Variants in MDN1 observed in about 807,000 individuals in gnomAD.
MDN1 encodes the protein midasin.
Under a neutral mutation model 669.2 loss-of-function variants are expected in MDN1, and 266 were observed. The ratio of observed to expected loss-of-function variants is 0.40; its 90% CI spans 0.36 to 0.44. The LOEUF is 0.44. Ranked by LOEUF, MDN1 falls within the 20% of genes least tolerant of loss-of-function variation. MDN1 has a pLI of 1.00. For missense variants in MDN1, 5,940 were observed against 6,754.0 expected (o/e 0.88, Z 4.22); for synonymous variants, 2,385 against 2,457.1 (o/e 0.97, Z 0.87).
chr6:89,699,850 CT>C, intron 57 of MDN1, 123 bp from the exon 58 acceptor site: 1 of 1,178,248 alleles, frequency 8.5e-7, no homozygotes, highest in East Asian at 2.4e-5. Flanking sequence ...ATGAACAACT[CT>C]ACTGATAAAA....
At position 89,706,178 on chromosome 6, in the gene MDN1, G is replaced by A; in HGVS notation, c.8029C>T (p.His2677Tyr). ...ACCACAATTTCATGGGGCAGAGTGT[G>A]ATAGCTTTCTGGATCTGAGAGTCAA... is the stretch of plus-strand genomic sequence containing the variant. ...FEFHQDPESY[H>Y]TLPHEIVVNL... is the part of the protein sequence containing the mutation. The change falls in exon 53 of 102, where the codon CAC becomes TAC. Residue 2677 changes from histidine (H) to tyrosine (Y), a missense_variant. Physicochemically the swap from His to Tyr is moderately conservative, Grantham distance 83. Transcript: ENST00000369393. 1 of 1,611,760 alleles carries A rather than the reference G, an allele frequency of 6.2e-7. No homozygotes were observed. The highest frequency in any genetic ancestry group is 8.5e-7 in the Non-Finnish European group (1 of 1,178,974).
At chr6:89,708,701 A>G (rs1433601006) in intron 50 of MDN1, 73 bp from the exon 51 acceptor site, 2 of 1,511,708 alleles carry the variant, frequency 1.3e-6, no homozygotes, top group South Asian at 1.2e-5. Context: ...TTTCAGTTGA[A>G]TATTTTCATT....
At chr6:89,815,324 A>T (rs975981304) in intron 1 of MDN1, 2 of 480,952 alleles carry the variant, frequency 4.2e-6, no homozygotes, top group Non-Finnish European at 8.3e-6. Flanking sequence ...AAGCTGTCCC[A>T]AGAGCTGGAT....
intron 79 of MDN1, 150 bp downstream of exon 79, chr6:89,673,954 C>CCCA: frequency 2.8e-6 from 2 of 714,538 alleles, no homozygotes; most frequent in East Asian, 2.9e-5. Context: ...CCACCCCACC[C>CCCA]CATCCCCCAA....
At position 89,644,156 on chromosome 6, in the gene MDN1, C is replaced by T. The variant is rs1422331656; in HGVS notation, c.16640G>A (p.Gly5547Glu). Residue 5547 changes from glycine (G) to glutamate (E), a missense_variant, in exon 102 of 102, where the codon GGA becomes GAA. Physicochemically the swap from Gly to Glu is moderately conservative, Grantham distance 98. Around this residue, in one of 5 missense-constraint regions of MDN1, gnomAD observed 2,280 missense variants for 2,576.3 expected, o/e 0.88. Coordinates refer to ENST00000369393, the MANE Select transcript of MDN1 (RefSeq NM_014611.3). ...ILDIKVPIFK[G>E]PGEMPEIRSY... is the part of the protein sequence containing the mutation. ...TCGGATTTCAGGCATCTCTCCAGGT[C>T]CTTTAAATATCGGTACTTTAATGTC... 2 of 1,613,368 alleles carry T rather than the reference C, an allele frequency of 1.2e-6. No homozygotes were observed. Among genetic ancestry groups the T allele is most frequent in the Non-Finnish European group, 1.7e-6 (2 of 1,179,784 alleles).
At chr6:89,713,119 T>C (rs1230168582) in intron 47 of MDN1, 29 bp downstream of exon 47, 2 of 1,597,790 alleles carry the variant, frequency 1.3e-6, no homozygotes, top group African/African-American at 1.4e-5. Context: ...TATTACAACT[T>C]AGAAACATTC....
At position 89,690,121 on chromosome 6, in the gene MDN1, T is replaced by C; in HGVS notation, c.10772A>G (p.Gln3591Arg). 1 of 1,614,126 alleles carries C rather than the reference T, an allele frequency of 6.2e-7. No individual in the cohort carries two copies. Among genetic ancestry groups the C allele is most frequent in the Non-Finnish European group, 8.5e-7 (1 of 1,180,012 alleles). Reference sequence around the variant, plus strand: ...TCCTTTGTTCTCCTCCAACGTTGGCTGCACCAAAATATCTGCAAAGTCCTA... The same window carrying C: ...TCCTTTGTTCTCCTCCAACGTTGGCCGCACCAAAATATCTGCAAAGTCCTA... Reference protein sequence around the residue: ...HEKDFADILVQPTLEENKGTS... With the variant: ...HEKDFADILVRPTLEENKGTS... The change falls in exon 65 of 102, where the codon CAG (glutamine) becomes CGG (arginine). Residue 3591 changes from glutamine to arginine, a missense_variant. Physicochemically the swap from Gln to Arg is conservative, Grantham distance 43 (BLOSUM62 1). Around this residue, in one of 5 missense-constraint regions of MDN1, gnomAD observed 2,280 missense variants for 2,576.3 expected, o/e 0.88. Transcript: ENST00000369393.
chr6:89,787,657 TC>T (rs148744446), intron 8 of MDN1, among the ~76,000 whole-genome samples, 196 bp downstream of exon 8: 71,208 of 149,632 alleles, frequency 0.48, 17,046 homozygotes, highest in East Asian at 0.73. Context: ...TATTTTTAAG[TC>T]GGGGGGGGGA....
chr6:89,753,341 C>T (rs146295047), intron 22 of MDN1, among the ~76,000 whole-genome samples, 171 bp downstream of exon 22: 38 of 151,832 alleles, frequency 2.5e-4, no homozygotes, highest in African/African-American at 8.9e-4. Flanking sequence ...AAAGAGCACG[C>T]TTATTGGAAA....
chr6:89,786,683 C>A (rs375026155), intron 8 of MDN1, among the ~76,000 whole-genome samples: 2 of 151,938 alleles, frequency 1.3e-5, no homozygotes, highest in Non-Finnish European at 2.9e-5. Context: ...AATCCCAGCA[C>A]ATCAGGAGGC....
At chr6:89,769,021 T>C (rs1817951024) in intron 15 of MDN1, among the ~76,000 whole-genome samples, 1 of 151,476 alleles carries the variant, frequency 6.6e-6, no homozygotes, top group Admixed American at 6.6e-5. Flanking sequence ...GCCGCTGCAC[T>C]CCAGTCTGGA....
At position 89,675,614 on chromosome 6, in the gene MDN1, G is replaced by A. The variant is rs1324475194; in HGVS notation, c.12646-35C>T. ...GAAGGAAAAACATGCTGAAGGGGCT[G>A]CTGACAAACATCACCCACAGATGTG... is the stretch of plus-strand genomic sequence containing the variant. On this transcript the variant is annotated intron_variant, in intron 77 of 101. Coordinates refer to ENST00000369393, the MANE Select transcript of MDN1 (RefSeq NM_014611.3). 6.4e-6 allele frequency: 10 copies of A among 1,567,534 alleles called. No homozygotes were observed. The Admixed American group carries it at 1.7e-4, about 26-fold the overall frequency.
chr6:89,692,601 T>G lies in MDN1; in HGVS notation c.10429A>C (p.Lys3477Gln). The change falls in exon 63 of 102, where the codon AAG becomes CAG. Residue 3477 changes from lysine (K) to glutamine (Q), a missense_variant. Physicochemically the swap from Lys to Gln is moderately conservative, Grantham distance 53. Coordinates refer to ENST00000369393, the MANE Select transcript of MDN1 (RefSeq NM_014611.3). ...TCCAGCTCCTTTCCTCCTGAGCGCT[T>G]GAGGATTAGCTTCCCAAGGCCTCGT... ...VLRGLGKLIL[K>Q]RSGGKELEGK... 4 of 1,614,240 alleles carry G rather than the reference T, an allele frequency of 2.5e-6. No homozygotes were observed. Among genetic ancestry groups the G allele is most frequent in the Non-Finnish European group, 3.4e-6 (4 of 1,180,036 alleles).
At chr6:89,774,907 C>T (rs1181473698) in intron 12 of MDN1, among the ~76,000 whole-genome samples, 174 bp from the exon 13 acceptor site, 1 of 152,124 alleles carries the variant, frequency 6.6e-6, no homozygotes, top group African/African-American at 2.4e-5. Flanking sequence ...TTCCAAACTT[C>T]TATGTTTTTC....
chr6:89,756,203 T>G, intron 20 of MDN1, 74 bp downstream of exon 20: 1 of 632,884 alleles, frequency 1.6e-6, no homozygotes, highest in East Asian at 3.0e-5. Flanking sequence ...GAATACATAT[T>G]TGTGTGTGTG....
At position 89,751,575 on chromosome 6, in the gene MDN1, G is replaced by A; in HGVS notation, c.3083C>T (p.Pro1028Leu). ...GATAAGCCGACCTCCTTTTGGCTCT[G>A]GAATAGGCTGAAAGACACAGAAGTT... is the stretch of plus-strand genomic sequence containing the variant. ...NVKSLLKQPI[P>L]EPKGGRLIQV... The change falls in exon 23 of 102, where the codon CCA becomes CTA. Residue 1028 changes from proline (P) to leucine (L), a missense_variant. By Grantham distance (98) the Pro-to-Leu change is moderately conservative. Transcript: ENST00000369393. 6.2e-7 allele frequency: 1 copy of A among 1,613,614 alleles called. No homozygotes were observed. The highest frequency in any genetic ancestry group is 8.5e-7 in the Non-Finnish European group (1 of 1,179,808).
At chr6:89,655,059 T>A (rs532110033) in intron 92 of MDN1, among the ~76,000 whole-genome samples, 30 of 152,152 alleles carry the variant, frequency 2.0e-4, no homozygotes, top group African/African-American at 7.0e-4. Flanking sequence ...CTCAGAAAAG[T>A]TTTTTGGCAC....
At chr6:89,753,128 A>AAAAC (rs1562181675) in intron 22 of MDN1, among the ~76,000 whole-genome samples, 6 of 152,268 alleles carry the variant, frequency 3.9e-5, no homozygotes, top group African/African-American at 1.4e-4. Flanking sequence ...ATCTGCAAAA[A>AAAAC]AAAACAAAAC....
chr6:89,710,788 A>G lies in MDN1; in HGVS notation c.7658T>C (p.Ile2553Thr). The change falls in exon 50 of 102, where the codon ATA becomes ACA. Residue 2553 changes from isoleucine to threonine, a missense_variant. By Grantham distance (89) the Ile-to-Thr change is moderately conservative. Around this residue, in one of 5 missense-constraint regions of MDN1, gnomAD observed 2,292 missense variants for 2,638.3 expected, o/e 0.87. Coordinates refer to ENST00000369393, the MANE Select transcript of MDN1 (RefSeq NM_014611.3). Reference sequence around the variant, plus strand: ...AGCACTGGCTTCCAAATGAATTTGTATGGACTCTGTGGAGGAAGGAGAAAC... The same window carrying G: ...AGCACTGGCTTCCAAATGAATTTGTGTGGACTCTGTGGAGGAAGGAGAAAC... ...AKNIPQGLES[I>T]QIHLEASAAS... The G allele has an allele frequency of 1.9e-6, 3 of 1,593,550 alleles. No homozygotes were observed. Among genetic ancestry groups the G allele is most frequent in the South Asian group, 1.1e-5 (1 of 88,578 alleles).
Sources: allele counts gnomAD v4.1 joint callset (sites outside exome capture counted in the v4.1 genomes callset), GRCh38; gene constraint gnomAD v4.1.1; regional missense constraint gnomAD v4.1.1; transcripts MANE v1.5; gene names NCBI Gene and HGNC (gene_info 2026-07-23, HGNC 2026-07-21).